FBXO36: variants seen among roughly 807,000 people sequenced by gnomAD.
FBXO36 encodes the protein F-box only protein 36.
In FBXO36, 18 loss-of-function variants were observed where a neutral mutation model predicts 17.0. The observed-to-expected ratio is 1.06, with a 90% CI of 0.73 to 1.57. The LOEUF is 1.57. Ranked by LOEUF, FBXO36 falls within the 40% of genes most tolerant of loss-of-function variation. The pLI is 0.00. For synonymous variants in FBXO36, 83 were observed against 85.3 expected, an observed-to-expected ratio of 0.97 and a Z score of 0.15; for missense variants, 229 against 221.9, an observed-to-expected ratio of 1.03 and a Z score of -0.20.
At chr2:229,939,819 C>T (rs913350833) in intron 1 of FBXO36, among the ~76,000 whole-genome samples, 1 of 152,194 alleles carries the variant, frequency 6.6e-6, no homozygotes, top group African/African-American at 2.4e-5. Context: ...CCGTGGCTCA[C>T]GCCTGTAATC....
intron 1 of FBXO36, among the ~76,000 whole-genome samples, chr2:229,946,386 G>C (rs181472271): frequency 1.3e-5 from 2 of 152,260 alleles, no homozygotes; most frequent in East Asian, 3.9e-4. Flanking sequence ...TCTTTGCCTA[G>C]TCATTCATCC....
In FBXO36 at chr2:230,010,932, C is replaced by T; in HGVS notation, c.*48C>T. ...GGAGCTCAGGCATGGCTGTGTTTCT[C>T]TTCAGTGTCCAAATCTCTTCTGTCT... is the stretch of plus-strand genomic sequence containing the variant. On this transcript the variant is annotated 3_prime_UTR_variant, in exon 4 of 4. Coordinates refer to ENST00000283946, the MANE Select transcript of FBXO36 (RefSeq NM_174899.5). 1.3e-6 allele frequency: 2 copies of T among 1,518,438 alleles called. No homozygotes were observed. The highest frequency in any genetic ancestry group is 2.4e-5 in the East Asian group (1 of 41,608). The allele number at this position is 1,518,438 out of a possible 1,614,324, so 94.1% of individuals were successfully genotyped here. A position where few individuals can be genotyped will look rare whatever the true frequency, so the allele number is the denominator to read the frequency against.
At chr2:230,003,209 T>TAA (rs397872634) in intron 3 of FBXO36, among the ~76,000 whole-genome samples, 33 of 104,574 alleles carry the variant, frequency 3.2e-4, no homozygotes, top group African/African-American at 8.3e-4. Context: ...GACTCCGTCT[T>TAA]AAAAAAAAAA....
At chr2:229,948,316 C>G (rs962030909) in intron 1 of FBXO36, among the ~76,000 whole-genome samples, 3 of 151,942 alleles carry the variant, frequency 2.0e-5, no homozygotes, top group South Asian at 2.1e-4. Context: ...TTGTAAGTAA[C>G]GAATTGCTTT....
intron 3 of FBXO36, among the ~76,000 whole-genome samples, chr2:229,998,099 A>G (rs1474533428): frequency 6.6e-6 from 1 of 152,202 alleles, no homozygotes; most frequent in Non-Finnish European, 1.5e-5. Context: ...ACATTTTCCA[A>G]GATGATTCAA....
At chr2:230,006,634 T>A (rs2077388204) in intron 3 of FBXO36, among the ~76,000 whole-genome samples, 1 of 152,166 alleles carries the variant, frequency 6.6e-6, no homozygotes, top group East Asian at 1.9e-4. Context: ...GGAGCTTACA[T>A]TCTTGAGCAG....
intron 1 of FBXO36, among the ~76,000 whole-genome samples, chr2:229,923,847 G>T (rs373558744): frequency 0.011 from 833 of 77,872 alleles, 11 homozygotes; most frequent in African/African-American, 0.036. Flanking sequence ...TTTTGGTGTT[G>T]TTTTTTTTTT....
At chr2:230,003,859 C>T (rs1331129105) in intron 3 of FBXO36, among the ~76,000 whole-genome samples, 3 of 152,226 alleles carry the variant, frequency 2.0e-5, no homozygotes, top group Non-Finnish European at 2.9e-5. Context: ...TGACTCATCT[C>T]TGCTTCCAGG....
intron 1 of FBXO36, among the ~76,000 whole-genome samples, chr2:229,964,608 C>A (rs1166419291): frequency 2.0e-5 from 3 of 152,242 alleles, no homozygotes; most frequent in Admixed American, 2.0e-4. Flanking sequence ...ACAGCCTCCA[C>A]CTCCCGGGTT....
At chr2:229,997,975 T>C (rs1458082219) in intron 3 of FBXO36, among the ~76,000 whole-genome samples, 3 of 152,170 alleles carry the variant, frequency 2.0e-5, no homozygotes, top group African/African-American at 7.2e-5. Flanking sequence ...TAAATCTCTT[T>C]TTGGCTTAAG....
At chr2:229,930,114 T>C (rs1425468228) in intron 1 of FBXO36, among the ~76,000 whole-genome samples, 1 of 152,028 alleles carries the variant, frequency 6.6e-6, no homozygotes, top group Non-Finnish European at 1.5e-5. Context: ...TTGGGAGACC[T>C]AGGCAGAAAG....
Position 229,982,098 on chromosome 2 carries a change from A to G in FBXO36, c.205+5749A>G, listed in dbSNP as rs1226921411. ...GAGTGGAGTGGGGCCATCCTGGCTC[A>G]CTGCAACTTCCACCTCCCAGGCTCA... On this transcript the variant is annotated intron_variant, in intron 2 of 3. Transcript: ENST00000283946. Among the ~76,000 whole-genome samples, 14 of 151,790 alleles carry G rather than the reference A, an allele frequency of 9.2e-5. No individual in the cohort carries two copies. The East Asian group carries it at 2.7e-3, about 29-fold the overall frequency.
intron 1 of FBXO36, among the ~76,000 whole-genome samples, chr2:229,955,719 G>A (rs570673077): frequency 1.2e-4 from 19 of 152,220 alleles, no homozygotes; most frequent in African/African-American, 4.3e-4. Flanking sequence ...TCAAATTTAA[G>A]TACAAAACCC....
intron 1 of FBXO36, among the ~76,000 whole-genome samples, chr2:229,958,678 G>A (rs2077105035): frequency 6.6e-6 from 1 of 152,138 alleles, no homozygotes; most frequent in South Asian, 2.1e-4. Flanking sequence ...GTGTGGCATT[G>A]ACTCACCCCG....
At chr2:229,965,271 A>G (rs1000939103) in intron 1 of FBXO36, among the ~76,000 whole-genome samples, 4 of 149,510 alleles carry the variant, frequency 2.7e-5, no homozygotes, top group Non-Finnish European at 5.9e-5. Context: ...GAGCCACTGC[A>G]CCTCGCCTAT....
intron 1 of FBXO36, among the ~76,000 whole-genome samples, chr2:229,964,411 C>T (rs1174215151): frequency 6.6e-6 from 1 of 152,186 alleles, no homozygotes; most frequent in African/African-American, 2.4e-5. Context: ...TCTTTGTTAA[C>T]ATGCCGTAAA....
At chr2:229,972,289 T>G (rs1577348686) in intron 1 of FBXO36, among the ~76,000 whole-genome samples, 1 of 152,102 alleles carries the variant, frequency 6.6e-6, no homozygotes, top group East Asian at 1.9e-4. Context: ...TGAGCCACCG[T>G]GCCCGGCCTA....
chr2:229,962,677 C>CATTT (rs1221693551), intron 1 of FBXO36, among the ~76,000 whole-genome samples: 1 of 150,040 alleles, frequency 6.7e-6, no homozygotes, highest in Non-Finnish European at 1.5e-5. Flanking sequence ...GCAGCCTTGG[C>CATTT]ATTTATTTAT....
chr2:229,955,927 GGTTGA>G lies in FBXO36; in HGVS notation c.97-20312_97-20308del, dbSNP rs148811299. Among the ~76,000 whole-genome samples the G allele has an allele frequency of 5.5e-3, 839 of 152,288 alleles. 10 individuals carry two copies. The highest frequency in any genetic ancestry group is 0.018 in the African/African-American group (754 of 41,560). On this transcript the variant is annotated intron_variant, in intron 1 of 3. Transcript: ENST00000283946. ...ATTCAGGTCCCACTGAGCAGTGAATGGTTGAGGGCAAGTTCTTCTAAACTTCCTTG... is the reference window on the plus strand; with the variant it reads ...ATTCAGGTCCCACTGAGCAGTGAATGGGGCAAGTTCTTCTAAACTTCCTTG...
Sources: gnomAD v4.1 joint callset for allele counts (sites outside exome capture counted in the v4.1 genomes callset) on GRCh38, gnomAD v4.1.1 for gene constraint, MANE v1.5 for transcripts, NCBI Gene and HGNC (gene_info 2026-07-23, HGNC 2026-07-21) for gene names.